Variants in CTNNA3 observed in about 807,000 individuals in gnomAD.
The protein encoded by CTNNA3 is catenin alpha 3.
In CTNNA3, 76 loss-of-function variants were observed where a neutral mutation model predicts 95.7. That is an observed-to-expected ratio of 0.79 (90% CI 0.66 to 0.96). The LOEUF (loss-of-function observed/expected upper bound fraction) is 0.96, where lower values mean the gene tolerates loss of function less well. Ranked by LOEUF, CTNNA3 falls within the 40% of genes least tolerant of loss-of-function variation. The probability of loss-of-function intolerance (pLI) is 0.00; values close to 1 mark genes in which losing one functional copy is unlikely to be tolerated. For missense variants in CTNNA3, 1,191 were observed against 1,089.8 expected (o/e 1.09, Z -1.31); for synonymous variants, 431 against 374.4 (o/e 1.15, Z -1.74).
At chr10:66,370,830 C>T (rs978758528) in intron 12 of CTNNA3, among the ~76,000 whole-genome samples, 1 of 152,176 alleles carries the variant, frequency 6.6e-6, no homozygotes, top group African/African-American at 2.4e-5. Context: ...ACACCTCAAC[C>T]TCCCAAGTAT....
intron 5 of CTNNA3, among the ~76,000 whole-genome samples, chr10:67,392,542 C>T (rs1198798697): frequency 2.6e-5 from 4 of 152,196 alleles, no homozygotes; most frequent in Non-Finnish European, 5.9e-5. Flanking sequence ...TTGACCCAGC[C>T]ATCCCATTAC....
intron 9 of CTNNA3, among the ~76,000 whole-genome samples, chr10:66,722,210 C>T (rs1243845761): frequency 6.6e-6 from 1 of 151,920 alleles, no homozygotes; most frequent in East Asian, 1.9e-4. Context: ...AACCCCGTCT[C>T]TACTAAAAAT....
intron 9 of CTNNA3, among the ~76,000 whole-genome samples, chr10:66,672,696 G>C (rs1244856779): frequency 1.3e-5 from 2 of 152,032 alleles, no homozygotes; most frequent in Non-Finnish European, 2.9e-5. Flanking sequence ...CATACCCACA[G>C]AGACCCTCCA....
chr10:67,011,338 CAA>C (rs764795305), intron 7 of CTNNA3, among the ~76,000 whole-genome samples: 13 of 62,336 alleles, frequency 2.1e-4, no homozygotes, highest in Admixed American at 3.2e-4. Flanking sequence ...AAGTCTGTCT[CAA>C]AAAAAAAAAA....
At chr10:66,292,420 C>G (rs370480885) in intron 12 of CTNNA3, among the ~76,000 whole-genome samples, 4 of 152,126 alleles carry the variant, frequency 2.6e-5, no homozygotes, top group Non-Finnish European at 5.9e-5. Flanking sequence ...CACCTACTAA[C>G]TTTATCATTA....
chr10:66,659,042 T>G (rs1289648728), intron 9 of CTNNA3, among the ~76,000 whole-genome samples: 1 of 152,116 alleles, frequency 6.6e-6, no homozygotes, highest in Non-Finnish European at 1.5e-5. Flanking sequence ...CAACATGTAT[T>G]CACTGAATGA....
At chr10:67,711,209 ATAAAG>A (rs1472742011) in intron 1 of CTNNA3, among the ~76,000 whole-genome samples, 1 of 152,216 alleles carries the variant, frequency 6.6e-6, no homozygotes, top group Non-Finnish European at 1.5e-5. Flanking sequence ...AAGTGGACTA[ATAAAG>A]TAAATTGGTA....
Position 66,657,144 on chromosome 10 carries a change from T to G in CTNNA3, c.1282-35360A>C, listed in dbSNP as rs140438252. ...TACATGTTAAGAAGTTAAGATGGTC[T>G]CTACTTGGACCTGATGCTAAAAGAA... is the stretch of plus-strand genomic sequence containing the variant. On this transcript the variant is annotated intron_variant, in intron 9 of 17. Transcript: ENST00000433211. Among the ~76,000 whole-genome samples, 1,111 of 152,280 alleles carry G rather than the reference T, an allele frequency of 7.3e-3. 3 individuals are homozygous for G. The highest frequency in any genetic ancestry group is 0.013 in the Non-Finnish European group (856 of 67,992).
At chr10:67,084,333 C>T (rs1857195179) in intron 7 of CTNNA3, among the ~76,000 whole-genome samples, 1 of 151,998 alleles carries the variant, frequency 6.6e-6, no homozygotes, top group East Asian at 1.9e-4. Context: ...AAAGATGCTC[C>T]TGTTGGGCAA....
intron 9 of CTNNA3, among the ~76,000 whole-genome samples, chr10:66,700,443 TA>T (rs1407563093): frequency 2.0e-5 from 3 of 152,154 alleles, no homozygotes; most frequent in African/African-American, 7.2e-5. Context: ...GTTGACTTTA[TA>T]AACTTGGGTT....
chr10:67,188,713 T>G (rs1200973605), intron 6 of CTNNA3, among the ~76,000 whole-genome samples: 1 of 152,150 alleles, frequency 6.6e-6, no homozygotes, highest in Non-Finnish European at 1.5e-5. Flanking sequence ...TGCACCATTA[T>G]TCATAATAGC....
chr10:67,344,865 T>G (rs1413287262), intron 5 of CTNNA3, among the ~76,000 whole-genome samples: 1 of 151,978 alleles, frequency 6.6e-6, no homozygotes, highest in Non-Finnish European at 1.5e-5. Flanking sequence ...TCTTTATTTA[T>G]AGTTTCTTCT....
At chr10:66,186,281 AGTGTGT>A (rs60910774) in intron 13 of CTNNA3, among the ~76,000 whole-genome samples, 22 of 149,648 alleles carry the variant, frequency 1.5e-4, no homozygotes, top group South Asian at 4.2e-4. Context: ...ATAAAATGTG[AGTGTGT>A]GTGTGTGTGT....
chr10:66,454,743 G>A (rs1339920840), intron 11 of CTNNA3, among the ~76,000 whole-genome samples: 1 of 138,018 alleles, frequency 7.2e-6, no homozygotes. Context: ...GCATTACACT[G>A]ATATCAAAGC....
intron 3 of CTNNA3, among the ~76,000 whole-genome samples, chr10:67,583,967 T>C (rs913247472): frequency 6.6e-6 from 1 of 152,168 alleles, no homozygotes; most frequent in African/African-American, 2.4e-5. Context: ...TGTCTAATCT[T>C]TTTTCAAGGT....
intron 14 of CTNNA3, among the ~76,000 whole-genome samples, chr10:66,092,494 C>A (rs1016701441): frequency 8.6e-5 from 13 of 151,928 alleles, no homozygotes; most frequent in African/African-American, 3.1e-4. Flanking sequence ...CAACATTCAC[C>A]TCCAAAAACA....
At chr10:67,219,360 A>G (rs961585857) in intron 6 of CTNNA3, among the ~76,000 whole-genome samples, 2 of 152,168 alleles carry the variant, frequency 1.3e-5, no homozygotes, top group African/African-American at 4.8e-5. Context: ...CATCATTTCG[A>G]TCTAATTAAC....
chr10:67,251,623 A>G (rs1866112515), intron 5 of CTNNA3, among the ~76,000 whole-genome samples: 1 of 152,178 alleles, frequency 6.6e-6, no homozygotes, highest in Non-Finnish European at 1.5e-5. Flanking sequence ...GCTCAGAACC[A>G]ATGAGGAAGA....
At chr10:67,061,321 A>G (rs1176829145) in intron 7 of CTNNA3, among the ~76,000 whole-genome samples, 1 of 152,234 alleles carries the variant, frequency 6.6e-6, no homozygotes, top group Non-Finnish European at 1.5e-5. Flanking sequence ...ATATTGCTAC[A>G]CCAATATGTG....
Sources: gnomAD v4.1 joint callset for allele counts (sites outside exome capture counted in the v4.1 genomes callset) on GRCh38, gnomAD v4.1.1 for gene constraint, MANE v1.5 for transcripts, NCBI Gene and HGNC (gene_info 2026-07-23, HGNC 2026-07-21) for gene names.